The following FAM163A variants were observed in gnomAD, a reference collection of about 807,000 sequenced individuals.
FAM163A encodes the protein family with sequence similarity 163 member A.
A neutral mutation model predicts 12.0 loss-of-function variants in FAM163A; 7 were observed. That is an observed-to-expected ratio of 0.58 (90% CI 0.33 to 1.10). The LOEUF (loss-of-function observed/expected upper bound fraction) is 1.10. FAM163A is among the 50% of genes least tolerant of loss of function. The probability of loss-of-function intolerance (pLI) is 0.03; values close to 1 mark genes in which losing one functional copy is unlikely to be tolerated. For missense variants in FAM163A, 202 were observed against 218.6 expected (o/e 0.92, Z 0.48); for synonymous variants, 101 against 91.0 (o/e 1.11, Z -0.62).
chr1:179,807,511 C>A (rs1194041266), intron 1 of FAM163A, among the ~76,000 whole-genome samples: 2 of 152,238 alleles, frequency 1.3e-5, no homozygotes, highest in Non-Finnish European at 2.9e-5. Context: ...CGTCACCTCC[C>A]AGACATGTGC....
the FAM163A span, among the ~76,000 whole-genome samples, chr1:179,737,104 A>G: frequency 1.3e-5 from 2 of 152,200 alleles, no homozygotes; most frequent in Non-Finnish European, 2.9e-5. Context: ...TATCAAAACA[A>G]CCCAAATGTC....
chr1:179,746,712 G>A (rs886079038), intron 1 of FAM163A, among the ~76,000 whole-genome samples: 2 of 152,124 alleles, frequency 1.3e-5, no homozygotes, highest in African/African-American at 2.4e-5. Context: ...TCCTGTGCCT[G>A]GTATGTTCCC....
chr1:179,740,990 C>T (rs192770131), upstream of FAM163A, among the ~76,000 whole-genome samples: 220 of 152,294 alleles, frequency 1.4e-3, no homozygotes, highest in African/African-American at 5.2e-3. Context: ...TAAAAAGCGA[C>T]TCTTGATCAA....
chr1:179,729,037 A>T, the FAM163A span, among the ~76,000 whole-genome samples: 1 of 152,212 alleles, frequency 6.6e-6, no homozygotes, highest in Non-Finnish European at 1.5e-5. Flanking sequence ...CTTCAAGGAC[A>T]CAGGATCAGA....
the FAM163A span, among the ~76,000 whole-genome samples, chr1:179,730,817 C>A: frequency 6.6e-6 from 1 of 152,110 alleles, no homozygotes; most frequent in Non-Finnish European, 1.5e-5. Context: ...ACTACATGAG[C>A]AACAACAATA....
chr1:179,756,323 G>T (rs1386885554), intron 1 of FAM163A, among the ~76,000 whole-genome samples: 8 of 152,210 alleles, frequency 5.3e-5, no homozygotes, highest in Admixed American at 5.2e-4. Context: ...TATAGACAAT[G>T]TCTATAGAGG....
intron 1 of FAM163A, among the ~76,000 whole-genome samples, chr1:179,784,356 C>T (rs1182728233): frequency 6.6e-6 from 1 of 152,208 alleles, no homozygotes; most frequent in Non-Finnish European, 1.5e-5. Flanking sequence ...CATACCAGCT[C>T]TGTAACTTAC....
At chr1:179,795,981 T>G (rs1373247412) in intron 1 of FAM163A, among the ~76,000 whole-genome samples, 1 of 62,800 alleles carries the variant, frequency 1.6e-5, no homozygotes, top group East Asian at 3.3e-4. Flanking sequence ...TATTATTATT[T>G]TACAACTGTG....
At position 179,815,144 on chromosome 1, in the gene FAM163A, C is replaced by G. The variant is rs1374936189; in HGVS notation, c.*955C>G. ...ACACACACACACACACACACACACACACACACAGTAACCACGGGTAGGCAC... is the reference window on the plus strand; with the variant it reads ...ACACACACACACACACACACACACAGACACACAGTAACCACGGGTAGGCAC... On this transcript the variant is annotated 3_prime_UTR_variant, in exon 5 of 5. Coordinates refer to ENST00000341785, the MANE Select transcript of FAM163A (RefSeq NM_173509.3). The G allele has an allele frequency of 6.4e-6, 1 of 156,110 alleles. No individual in the cohort carries two copies. 9.7% of individuals were successfully genotyped at this position (156,110 alleles called of 1,614,324 possible).
At chr1:179,733,441 T>G in the FAM163A span, among the ~76,000 whole-genome samples, 2 of 152,178 alleles carry the variant, frequency 1.3e-5, no homozygotes, top group African/African-American at 4.8e-5. Context: ...GATGCTTCAC[T>G]TGTATTAGGG....
At chr1:179,771,677 TC>T (rs1688310646) in intron 1 of FAM163A, among the ~76,000 whole-genome samples, 1 of 152,034 alleles carries the variant, frequency 6.6e-6, no homozygotes, top group East Asian at 1.9e-4. Context: ...CTGCTCCCTT[TC>T]CTCCCCAGAG....
chr1:179,774,991 G>A (rs1171516154), intron 1 of FAM163A, among the ~76,000 whole-genome samples: 1 of 152,152 alleles, frequency 6.6e-6, no homozygotes, highest in Non-Finnish European at 1.5e-5. Flanking sequence ...GCAAAGCAAG[G>A]AAAGAATGAA....
rs115874683 is a variant in FAM163A at position 179,766,553 on chromosome 1, G to A, written c.-136+23130G>A. On this transcript the variant is annotated intron_variant, in intron 1 of 4. Transcript: ENST00000341785. ...TGTATCTTTGGGTCTTCATTCTGAA[G>A]GCTCCCAGATACACATGTTAAATAA... Among the ~76,000 whole-genome samples the A allele has an allele frequency of 5.4e-3, 824 of 152,292 alleles. 3 individuals carry two copies. The highest frequency in any genetic ancestry group is 0.019 in the African/African-American group (789 of 41,544).
At chr1:179,762,709 C>T (rs1686975384) in intron 1 of FAM163A, among the ~76,000 whole-genome samples, 1 of 152,170 alleles carries the variant, frequency 6.6e-6, no homozygotes, top group Non-Finnish European at 1.5e-5. Context: ...CTCTTAGCTC[C>T]TTAGTCATCC....
At chr1:179,769,132 A>G (rs1301658087) in intron 1 of FAM163A, among the ~76,000 whole-genome samples, 1 of 152,000 alleles carries the variant, frequency 6.6e-6, no homozygotes, top group Non-Finnish European at 1.5e-5. Flanking sequence ...TATGTTTGAA[A>G]TTTTTTATTT....
In FAM163A at chr1:179,814,040, G is replaced by A. The variant is rs1002804094; in HGVS notation, c.355G>A (p.Gly119Ser). The A allele has an allele frequency of 3.1e-6, 5 of 1,613,674 alleles. No individual in the cohort carries two copies. Among genetic ancestry groups the A allele is most frequent in the Non-Finnish European group, 4.2e-6 (5 of 1,179,772 alleles). The stretch of plus-strand genomic sequence containing the variant: ...TGACATGGTGCCCAATGGGGGTGGA[G>A]GCGAGAGGCTCTCCTTTGCTCCCAC... ...TADMVPNGGG[G>S]ERLSFAPTYY... The change falls in exon 5 of 5, where the codon GGC becomes AGC. Residue 119 changes from glycine (G) to serine (S), a missense_variant. Coordinates refer to ENST00000341785, the MANE Select transcript of FAM163A (RefSeq NM_173509.3).
At chr1:179,731,998 A>G in the FAM163A span, among the ~76,000 whole-genome samples, 1 of 152,228 alleles carries the variant, frequency 6.6e-6, no homozygotes, top group Non-Finnish European at 1.5e-5. Context: ...CCCAGGTCTC[A>G]TAAACCCACA....
intron 3 of FAM163A, among the ~76,000 whole-genome samples, 160 bp from the exon 4 acceptor site, chr1:179,812,916 C>G (rs947915513): frequency 2.9e-4 from 44 of 152,318 alleles, no homozygotes; most frequent in Non-Finnish European, 8.8e-5. Flanking sequence ...GAGCCACAGT[C>G]GTCCTCAGCC....
At chr1:179,768,006 CCCCTT>C (rs1687739226) in intron 1 of FAM163A, among the ~76,000 whole-genome samples, 1 of 152,088 alleles carries the variant, frequency 6.6e-6, no homozygotes, top group Non-Finnish European at 1.5e-5. Context: ...TCTCCCCTCT[CCCCTT>C]CCCTCAGTCC....
Sources: allele counts gnomAD v4.1 joint callset (sites outside exome capture counted in the v4.1 genomes callset), GRCh38; gene constraint gnomAD v4.1.1; transcripts MANE v1.5; gene names NCBI Gene and HGNC (gene_info 2026-07-23, HGNC 2026-07-21).